Variants in NKAIN3 observed in about 807,000 individuals in gnomAD.
The protein encoded by NKAIN3 is sodium/potassium transporting ATPase interacting 3.
NKAIN3 carries 25 observed loss-of-function variants against 30.2 expected under a neutral mutation model. That is an observed-to-expected ratio of 0.83 (90% CI 0.60 to 1.16). The LOEUF (loss-of-function observed/expected upper bound fraction) is 1.16. NKAIN3 is among the 50% of genes most tolerant of loss of function. The pLI, the probability that NKAIN3 is intolerant of heterozygous loss-of-function variation, is 0.00. For missense variants in NKAIN3, 225 were observed against 254.1 expected (o/e 0.89, Z 0.78); for synonymous variants, 91 against 89.6 (o/e 1.02, Z -0.09).
chr8:62,957,467 A>G (rs1024548947), intron 6 of NKAIN3, among the ~76,000 whole-genome samples: 6 of 152,302 alleles, frequency 3.9e-5, no homozygotes, highest in African/African-American at 1.4e-4. Flanking sequence ...CCAAAACTTG[A>G]TAAAGAACAA....
At chr8:62,820,006 A>G (rs1818804451) in intron 4 of NKAIN3, among the ~76,000 whole-genome samples, 1 of 152,144 alleles carries the variant, frequency 6.6e-6, no homozygotes, top group African/African-American at 2.4e-5. Context: ...TATGTTAGGA[A>G]AATGTTGAAA....
At chr8:62,612,842 G>T (rs557470847) in intron 3 of NKAIN3, among the ~76,000 whole-genome samples, 19 of 151,908 alleles carry the variant, frequency 1.3e-4, no homozygotes, top group Non-Finnish European at 2.7e-4. Context: ...TTATTTTCAC[G>T]TGATAACAAC....
intron 1 of NKAIN3, among the ~76,000 whole-genome samples, chr8:62,330,119 A>G (rs1393456750): frequency 6.6e-6 from 1 of 152,082 alleles, no homozygotes; most frequent in African/African-American, 2.4e-5. Flanking sequence ...GGACGATTCC[A>G]GATAGAAGAG....
At chr8:62,584,143 G>C (rs983047989) in intron 2 of NKAIN3, among the ~76,000 whole-genome samples, 2 of 152,200 alleles carry the variant, frequency 1.3e-5, no homozygotes, top group African/African-American at 2.4e-5. Context: ...TGAGGGGAAA[G>C]AGCTTTTTCA....
intron 4 of NKAIN3, among the ~76,000 whole-genome samples, chr8:62,764,418 T>A (rs1249281460): frequency 6.6e-6 from 1 of 152,224 alleles, no homozygotes; most frequent in African/African-American, 2.4e-5. Flanking sequence ...AACACTGCTG[T>A]ACTTACTGAG....
chr8:62,907,384 C>T (rs897549081), intron 4 of NKAIN3, among the ~76,000 whole-genome samples: 1 of 152,126 alleles, frequency 6.6e-6, no homozygotes, highest in African/African-American at 2.4e-5. Context: ...GCTGATGATG[C>T]AATTCAAAAG....
At chr8:62,986,991 G>T (rs114160261), downstream of NKAIN3, among the ~76,000 whole-genome samples, 74 of 151,950 alleles carry the variant, frequency 4.9e-4, no homozygotes, top group African/African-American at 1.7e-3. Context: ...ATATGATTTG[G>T]GAGCTCTTCA....
chr8:62,687,342 C>T (rs752620465), intron 3 of NKAIN3, among the ~76,000 whole-genome samples: 2 of 152,222 alleles, frequency 1.3e-5, no homozygotes, highest in Non-Finnish European at 2.9e-5. Flanking sequence ...TCCCCTATTA[C>T]ACTATTCTCG....
At chr8:62,863,527 G>T in intron 4 of NKAIN3, 1 of 1,393,584 alleles carries the variant, frequency 7.2e-7, no homozygotes, top group Non-Finnish European at 1.0e-6. Flanking sequence ...TGAACTTGAT[G>T]ATCCAGTTGA....
intron 4 of NKAIN3, among the ~76,000 whole-genome samples, chr8:62,759,602 GA>G (rs1159615668): frequency 4.3e-4 from 65 of 152,232 alleles, no homozygotes; most frequent in African/African-American, 1.5e-3. Flanking sequence ...GCAATTTAAA[GA>G]AAAATCCCAA....
intron 1 of NKAIN3, among the ~76,000 whole-genome samples, chr8:62,386,230 T>C (rs938724793): frequency 6.6e-6 from 1 of 152,192 alleles, no homozygotes; most frequent in Non-Finnish European, 1.5e-5. Flanking sequence ...TGAAATCAGG[T>C]AAATGGCTTA....
intron 4 of NKAIN3, among the ~76,000 whole-genome samples, chr8:62,873,132 G>A (rs1045007693): frequency 6.6e-6 from 1 of 152,090 alleles, no homozygotes; most frequent in Non-Finnish European, 1.5e-5. Flanking sequence ...TCAAAATAAA[G>A]AGATGGAGGA....
intron 3 of NKAIN3, among the ~76,000 whole-genome samples, chr8:62,705,351 C>T (rs1367370761): frequency 1.3e-5 from 2 of 151,988 alleles, no homozygotes; most frequent in African/African-American, 4.8e-5. Context: ...GAACAGAGAC[C>T]CTGAATTATA....
In NKAIN3 at chr8:62,849,198, C is replaced by T. The variant is rs184670410; in HGVS notation, c.472-69255C>T. Among the ~76,000 whole-genome samples, 103 of 150,282 alleles carry T rather than the reference C, an allele frequency of 6.9e-4. 1 individual carries two copies. In the East Asian group the frequency reaches 0.016, roughly 24 times the overall value. The stretch of plus-strand genomic sequence containing the variant: ...CATAGAATAAGTTAGGGAGGAGTCC[C>T]TCCTTTTCAATTTTTTGGAATAGTT... On this transcript the variant is annotated intron_variant, in intron 4 of 6. Transcript: ENST00000623646.
chr8:62,659,323 A>G (rs894760032), intron 3 of NKAIN3, among the ~76,000 whole-genome samples: 2 of 151,544 alleles, frequency 1.3e-5, no homozygotes, highest in African/African-American at 4.9e-5. Flanking sequence ...GGTAGAGTGA[A>G]CAGAACTGGG....
At chr8:62,592,287 T>C (rs10504352) in intron 3 of NKAIN3, among the ~76,000 whole-genome samples, 7,770 of 152,064 alleles carry the variant, frequency 0.051, 690 homozygotes, top group African/African-American at 0.18. Context: ...GCCTGGAAAC[T>C]GAGATTCTTA....
At chr8:62,637,762 G>A (rs907374214) in intron 3 of NKAIN3, among the ~76,000 whole-genome samples, 7 of 152,164 alleles carry the variant, frequency 4.6e-5, no homozygotes, top group Non-Finnish European at 8.8e-5. Flanking sequence ...GGGCCTGGGA[G>A]TGGGGTCCTT....
chr8:62,333,041 T>G (rs1373057565), intron 1 of NKAIN3, among the ~76,000 whole-genome samples: 1 of 152,128 alleles, frequency 6.6e-6, no homozygotes, highest in Non-Finnish European at 1.5e-5. Context: ...TCCAGCACAA[T>G]TCATGAGATT....
At chr8:62,720,278 A>G (rs1048282248) in intron 3 of NKAIN3, among the ~76,000 whole-genome samples, 2 of 152,186 alleles carry the variant, frequency 1.3e-5, no homozygotes, top group Admixed American at 6.5e-5. Context: ...GATTACCTTA[A>G]CACATTTATA....
Sources: gnomAD v4.1 joint callset for allele counts (sites outside exome capture counted in the v4.1 genomes callset) on GRCh38, gnomAD v4.1.1 for gene constraint, MANE v1.5 for transcripts, NCBI Gene and HGNC (gene_info 2026-07-23, HGNC 2026-07-21) for gene names.